Variants in DOCK1 observed in about 807,000 individuals in gnomAD.
DOCK1 encodes dedicator of cytokinesis protein 1.
Under a neutral mutation model 262.7 loss-of-function variants are expected in DOCK1, and 138 were observed. The observed-to-expected ratio is 0.53, with a 90% CI of 0.46 to 0.61. DOCK1 has a LOEUF of 0.61. Ranked by LOEUF, DOCK1 falls within the 20% of genes least tolerant of loss-of-function variation. DOCK1 has a pLI of 0.00. For synonymous variants in DOCK1, 866 were observed against 867.4 expected (o/e 1.00, Z 0.03); for missense variants, 1,908 against 2,370.7 (o/e 0.80, Z 4.05).
rs898930457 is a variant in DOCK1, at chr10:127,026,354, G to A, written c.1554G>A (p.Val518=). The change falls in exon 16 of 52, where the codon GTG becomes GTA. Residue 518 remains valine, a splice_region_variant and synonymous_variant. Transcript: ENST00000623213. ...AACTTCTTTTTCAATTCTTGAAGGT[G>A]GCCATTCCCATCGAGGACGTTAACC... ...KQPRWFETVK[V]AIPIEDVNRS... is the part of the protein sequence containing the mutation. The A allele has an allele frequency of 2.8e-5, 44 of 1,564,386 alleles. No homozygotes were observed. The highest frequency in any genetic ancestry group is 3.4e-5 in the Non-Finnish European group (39 of 1,152,970).
intron 27 of DOCK1, among the ~76,000 whole-genome samples, chr10:127,206,287 G>T (rs2057719852): frequency 6.6e-6 from 1 of 151,558 alleles, no homozygotes. Context: ...GGAATTACAG[G>T]CACCCGCCAC....
At chr10:127,054,104 C>A (rs2044961114) in intron 22 of DOCK1, among the ~76,000 whole-genome samples, 1 of 152,176 alleles carries the variant, frequency 6.6e-6, no homozygotes, top group Non-Finnish European at 1.5e-5. Context: ...CACATCAGTG[C>A]CTTCCCGTTT....
chr10:127,433,228 C>T (rs1224565178), intron 47 of DOCK1, 55 bp from the exon 48 acceptor site: 1 of 1,599,180 alleles, frequency 6.3e-7, no homozygotes, highest in African/African-American at 1.3e-5. Flanking sequence ...AGGAGTCTGA[C>T]CATGGCAGGC....
chr10:127,019,095 A>G (rs2042221097), intron 13 of DOCK1: 2 of 475,028 alleles, frequency 4.2e-6, no homozygotes, highest in East Asian at 7.1e-5. Flanking sequence ...GTGGGCACCC[A>G]GCAAATGTCT....
At chr10:127,184,290 T>A (rs933486942) in intron 27 of DOCK1, among the ~76,000 whole-genome samples, 1 of 152,082 alleles carries the variant, frequency 6.6e-6, no homozygotes, top group Non-Finnish European at 1.5e-5. Context: ...CAACAAGTGC[T>A]GCCAACGGCT....
At chr10:127,058,499 A>G (rs890220306) in intron 22 of DOCK1, among the ~76,000 whole-genome samples, 2 of 151,986 alleles carry the variant, frequency 1.3e-5, no homozygotes, top group African/African-American at 4.8e-5. Flanking sequence ...ATCCATTTAT[A>G]TATAGTGTAA....
chr10:127,439,812 CTGACCT>C (rs1339073289), intron 49 of DOCK1, among the ~76,000 whole-genome samples: 1 of 152,160 alleles, frequency 6.6e-6, no homozygotes, highest in Non-Finnish European at 1.5e-5. Flanking sequence ...TACTGCTGAG[CTGACCT>C]TGAAGACGGG....
intron 29 of DOCK1, among the ~76,000 whole-genome samples, chr10:127,335,320 C>T (rs756897537): frequency 5.3e-5 from 8 of 152,156 alleles, no homozygotes; most frequent in Admixed American, 1.3e-4. Context: ...ATACCCCACA[C>T]GCCCTCGAAT....
intron 12 of DOCK1, among the ~76,000 whole-genome samples, chr10:127,013,065 TTA>T (rs1388983228): frequency 2.0e-5 from 3 of 152,224 alleles, no homozygotes; most frequent in Non-Finnish European, 4.4e-5. Flanking sequence ...TCCAGCTACC[TTA>T]TGTCACTAGA....
intron 23 of DOCK1, among the ~76,000 whole-genome samples, chr10:127,069,620 A>G (rs2046090629): frequency 6.6e-6 from 1 of 152,198 alleles, no homozygotes; most frequent in Non-Finnish European, 1.5e-5. Flanking sequence ...TCGTGGGGAC[A>G]CAGATGCGGT....
intron 23 of DOCK1, among the ~76,000 whole-genome samples, chr10:127,078,144 G>A (rs949621227): frequency 1.3e-5 from 2 of 152,186 alleles, no homozygotes; most frequent in Non-Finnish European, 2.9e-5. Flanking sequence ...TTTTATTTAT[G>A]TTTTAAATAA....
rs34596370 is a variant in DOCK1, at chr10:126,992,737, G to GAC, written c.473+2160_473+2161dup. ...CAGGCACACAGACCCCCCCAACACAGACACACACACACACACACACACACA... is the reference window on the plus strand; with the variant it reads ...CAGGCACACAGACCCCCCCAACACAGACACACACACACACACACACACACACA... On this transcript the variant is annotated intron_variant, in intron 6 of 51. Transcript: ENST00000623213. Among the ~76,000 whole-genome samples the GAC allele has an allele frequency of 5.3e-3, 710 of 133,358 alleles. 5 individuals are homozygous for GAC. The highest frequency in any genetic ancestry group is 0.029 in the South Asian group (125 of 4,360). 87.5% of individuals were successfully genotyped at this position (133,358 alleles called of 152,430 possible). A position where few individuals can be genotyped will look rare whatever the true frequency, so the allele number is the denominator to read the frequency against.
intron 44 of DOCK1, among the ~76,000 whole-genome samples, chr10:127,417,044 G>A (rs114656582): frequency 3.9e-5 from 6 of 152,290 alleles, no homozygotes; most frequent in South Asian, 2.1e-4. Flanking sequence ...GGTTGCTGAC[G>A]GACAGAATCG....
At chr10:127,405,266 C>T (rs148622940) in intron 40 of DOCK1, among the ~76,000 whole-genome samples, 8 of 152,238 alleles carry the variant, frequency 5.3e-5, no homozygotes, top group Non-Finnish European at 7.4e-5. Context: ...AAGCAGTAAC[C>T]GTGATCACCT....
intron 27 of DOCK1, among the ~76,000 whole-genome samples, chr10:127,209,027 A>G (rs765999333): frequency 5.9e-5 from 9 of 152,158 alleles, no homozygotes; most frequent in Admixed American, 2.0e-4. Context: ...CTTAACCTAC[A>G]CTGCATTTTT....
chr10:127,015,572 G>C (rs1389067453), intron 12 of DOCK1, among the ~76,000 whole-genome samples: 2 of 152,076 alleles, frequency 1.3e-5, no homozygotes, highest in Admixed American at 1.3e-4. Context: ...CTATTTCAAG[G>C]AACGGTGCCC....
chr10:126,916,520 C>T (rs560652537), intron 1 of DOCK1, among the ~76,000 whole-genome samples: 5 of 152,274 alleles, frequency 3.3e-5, no homozygotes, highest in South Asian at 2.1e-4. Flanking sequence ...TGTATAGAGA[C>T]GAATGGTGAT....
chr10:126,961,049 C>T (rs1422278114), intron 1 of DOCK1, among the ~76,000 whole-genome samples: 1 of 152,210 alleles, frequency 6.6e-6, no homozygotes, highest in South Asian at 2.1e-4. Flanking sequence ...ATCCCTCCCA[C>T]CTGTTTCCAA....
At chr10:127,026,514 C>T (rs1201585403) in intron 16 of DOCK1, 90 bp downstream of exon 16, 25 of 1,195,598 alleles carry the variant, frequency 2.1e-5, no homozygotes, top group Middle Eastern at 1.9e-4. Context: ...TTCTGGAACT[C>T]GCTATCATAA....
Sources: allele counts gnomAD v4.1 joint callset (sites outside exome capture counted in the v4.1 genomes callset), GRCh38; gene constraint gnomAD v4.1.1; transcripts MANE v1.5; gene names NCBI Gene and HGNC (gene_info 2026-07-23, HGNC 2026-07-21).